The following EFCAB11 variants were observed in gnomAD, a reference collection of about 807,000 sequenced individuals.
The protein encoded by EFCAB11 is EF-hand calcium binding domain 11.
Under a neutral mutation model 23.0 loss-of-function variants are expected in EFCAB11, and 14 were observed. The ratio of observed to expected loss-of-function variants is 0.61; its 90% CI spans 0.40 to 0.95. EFCAB11 has a LOEUF of 0.95. EFCAB11 is among the 40% of genes least tolerant of loss of function. The pLI, the probability that EFCAB11 is intolerant of heterozygous loss-of-function variation, is 0.00. For synonymous variants in EFCAB11, 65 were observed against 66.6 expected (o/e 0.98, Z 0.11); for missense variants, 198 against 195.8 (o/e 1.01, Z -0.07).
chr14:89,904,553 T>C (rs536076777), intron 5 of EFCAB11, among the ~76,000 whole-genome samples: 6 of 152,338 alleles, frequency 3.9e-5, no homozygotes, highest in African/African-American at 1.4e-4. Context: ...ATCGCCACAC[T>C]GTCTTCCACA....
intron 5 of EFCAB11, among the ~76,000 whole-genome samples, chr14:89,896,273 A>C (rs886287580): frequency 5.9e-5 from 9 of 151,872 alleles, no homozygotes; most frequent in Non-Finnish European, 8.8e-5. Flanking sequence ...AGTCCCAGCT[A>C]CTCACTCACA....
intron 3 of EFCAB11, among the ~76,000 whole-genome samples, chr14:89,937,566 G>A (rs529471060): frequency 5.6e-4 from 85 of 151,858 alleles, no homozygotes; most frequent in African/African-American, 2.0e-3. Flanking sequence ...TCACTCTGTC[G>A]CCAGGCTGAA....
At chr14:89,802,455 G>A (rs1885818104) in intron 5 of EFCAB11, among the ~76,000 whole-genome samples, 1 of 152,100 alleles carries the variant, frequency 6.6e-6, no homozygotes, top group African/African-American at 2.4e-5. Context: ...GCAATGGTAT[G>A]ATCTTGGCTC....
At chr14:89,948,646 C>T (rs1015156352) in intron 3 of EFCAB11, among the ~76,000 whole-genome samples, 2 of 152,158 alleles carry the variant, frequency 1.3e-5, no homozygotes, top group African/African-American at 4.8e-5. Flanking sequence ...CAGTGGAGTA[C>T]TATTCAGCAA....
intron 5 of EFCAB11, among the ~76,000 whole-genome samples, chr14:89,862,966 C>A (rs1374477387): frequency 6.6e-6 from 1 of 152,176 alleles, no homozygotes; most frequent in African/African-American, 2.4e-5. Context: ...TCTTTCTACT[C>A]ATATGTGAAA....
intron 5 of EFCAB11, 105 bp from the exon 6 acceptor site, chr14:89,797,429 A>G: frequency 1.0e-6 from 1 of 987,768 alleles, no homozygotes; most frequent in Non-Finnish European, 1.5e-6. Context: ...GTGAGAGAGG[A>G]ACCTATTTTA....
intron 5 of EFCAB11, among the ~76,000 whole-genome samples, chr14:89,845,790 G>A (rs1343813913): frequency 6.6e-6 from 1 of 152,202 alleles, no homozygotes; most frequent in African/African-American, 2.4e-5. Flanking sequence ...ATGGTCAACA[G>A]GGAGACGGAT....
intron 5 of EFCAB11, among the ~76,000 whole-genome samples, chr14:89,903,319 G>A (rs1255509368): frequency 2.0e-5 from 3 of 152,082 alleles, no homozygotes; most frequent in Admixed American, 2.0e-4. Context: ...TTAAAATAAT[G>A]AACAACCACA....
intron 5 of EFCAB11, among the ~76,000 whole-genome samples, chr14:89,889,319 C>G (rs538547859): frequency 6.6e-6 from 1 of 152,064 alleles, no homozygotes; most frequent in Non-Finnish European, 1.5e-5. Context: ...GATTCGAAGC[C>G]TTACTATGAA....
chr14:89,881,642 T>G (rs908323051), intron 5 of EFCAB11, among the ~76,000 whole-genome samples: 1 of 150,580 alleles, frequency 6.6e-6, no homozygotes, highest in African/African-American at 2.4e-5. Flanking sequence ...GAGGCGGGGT[T>G]TCACCATGTT....
chr14:89,883,297 T>C (rs1003534102), intron 5 of EFCAB11, among the ~76,000 whole-genome samples: 1 of 152,214 alleles, frequency 6.6e-6, no homozygotes, highest in Admixed American at 6.5e-5. Context: ...TCTTGAAAAT[T>C]TGTTCAGACT....
chr14:89,844,296 T>C (rs1462249301), intron 5 of EFCAB11, among the ~76,000 whole-genome samples: 1 of 152,218 alleles, frequency 6.6e-6, no homozygotes, highest in Non-Finnish European at 1.5e-5. Flanking sequence ...AGACTGACAA[T>C]TGTTTTAAAC....
chr14:89,806,837 T>C (rs1297352825), intron 5 of EFCAB11, among the ~76,000 whole-genome samples: 1 of 152,204 alleles, frequency 6.6e-6, no homozygotes, highest in African/African-American at 2.4e-5. Context: ...CTAAGCCAGA[T>C]CTTAGTTATA....
intron 5 of EFCAB11, among the ~76,000 whole-genome samples, chr14:89,891,023 C>A (rs566617065): frequency 1.3e-5 from 2 of 152,308 alleles, no homozygotes; most frequent in Admixed American, 1.3e-4. Context: ...CTGGGAGAGT[C>A]CCTGGGATCC....
At chr14:89,879,615 T>C (rs2140173750) in intron 5 of EFCAB11, among the ~76,000 whole-genome samples, 1 of 152,298 alleles carries the variant, frequency 6.6e-6, no homozygotes, top group East Asian at 1.9e-4. Flanking sequence ...TTTACATATG[T>C]CTGAATAAGT....
Position 89,880,439 on chromosome 14 carries a change from C to T in EFCAB11, c.410+51102G>A, listed in dbSNP as rs118147491. On this transcript the variant is annotated intron_variant, in intron 5 of 5. Coordinates refer to ENST00000316738, the MANE Select transcript of EFCAB11 (RefSeq NM_145231.4). ...TTATAGCAGCTCAAAGGGACTAAGACGAACTGCATTCTCCTGAATACTGGA... is the reference window on the plus strand; with the variant it reads ...TTATAGCAGCTCAAAGGGACTAAGATGAACTGCATTCTCCTGAATACTGGA... Among the ~76,000 whole-genome samples, 535 of 152,280 alleles carry T rather than the reference C, an allele frequency of 3.5e-3. 7 individuals carry two copies. The highest frequency in any genetic ancestry group is 0.027 in the Admixed American group (411 of 15,290).
chr14:89,954,226 G>T lies in EFCAB11; in HGVS notation c.76-225C>A. The T allele has an allele frequency of 3.6e-6, 4 of 1,104,162 alleles. No individual in the cohort carries two copies. In the South Asian group the frequency reaches 4.2e-5, roughly 11 times the overall value. 68.4% of individuals were successfully genotyped at this position (1,104,162 alleles called of 1,614,324 possible). On this transcript the variant is annotated intron_variant, in intron 1 of 5. Transcript: ENST00000316738. ...CCCTCAAAGTGCAAACGAGTTAACC[G>T]CTAGGTGACGCAAATTAATTCATTT...
intron 5 of EFCAB11, among the ~76,000 whole-genome samples, chr14:89,809,549 G>C (rs1459468002): frequency 2.6e-5 from 4 of 151,972 alleles, no homozygotes; most frequent in African/African-American, 4.8e-5. Flanking sequence ...TGACTTAAAA[G>C]GTTCGTGCCC....
chr14:89,797,589 G>T (rs1885617250), intron 5 of EFCAB11, among the ~76,000 whole-genome samples: 1 of 150,904 alleles, frequency 6.6e-6, no homozygotes. Flanking sequence ...AAGAAAAAAA[G>T]AAACGGCTCT....
Sources: gnomAD v4.1 joint callset for allele counts (sites outside exome capture counted in the v4.1 genomes callset) on GRCh38, gnomAD v4.1.1 for gene constraint, MANE v1.5 for transcripts, NCBI Gene and HGNC (gene_info 2026-07-23, HGNC 2026-07-21) for gene names.